Variants in DAP observed in about 807,000 individuals in gnomAD.
DAP encodes the protein death-associated protein 1.
DAP carries 8 observed loss-of-function variants against 13.8 expected under a neutral mutation model. The observed-to-expected ratio is 0.58, with a 90% CI of 0.34 to 1.05. The LOEUF (loss-of-function observed/expected upper bound fraction) is 1.05. Ranked by LOEUF, DAP falls within the 50% of genes least tolerant of loss-of-function variation. The pLI is 0.03. For synonymous variants in DAP, 47 were observed against 47.5 expected (o/e 0.99, Z 0.04); for missense variants, 106 against 133.2 (o/e 0.80, Z 1.01).
intron 2 of DAP, among the ~76,000 whole-genome samples, chr5:10,720,992 G>A (rs1214759194): frequency 6.6e-6 from 1 of 152,226 alleles, no homozygotes; most frequent in Non-Finnish European, 1.5e-5. Flanking sequence ...AAAGAAGTCT[G>A]ACACTGGGCT....
chr5:10,758,960 G>C, intron 1 of DAP, among the ~76,000 whole-genome samples: 1 of 152,228 alleles, frequency 6.6e-6, no homozygotes, highest in East Asian at 1.9e-4. Context: ...GCTGAGGTGG[G>C]TGGATCACCT....
chr5:10,708,976 A>C (rs1361911708), intron 2 of DAP, among the ~76,000 whole-genome samples: 2 of 152,240 alleles, frequency 1.3e-5, no homozygotes, highest in African/African-American at 4.8e-5. Flanking sequence ...AAGAATATTA[A>C]AATCAAAAGA....
chr5:10,717,593 G>A (rs540969617), intron 2 of DAP, among the ~76,000 whole-genome samples: 3 of 152,324 alleles, frequency 2.0e-5, no homozygotes, highest in South Asian at 4.2e-4. Flanking sequence ...TGCGCTGCCT[G>A]AGGGAACAGT....
At chr5:10,723,316 T>C (rs1739206169) in intron 2 of DAP, among the ~76,000 whole-genome samples, 1 of 152,230 alleles carries the variant, frequency 6.6e-6, no homozygotes, top group African/African-American at 2.4e-5. Flanking sequence ...GCCCTATATA[T>C]AGTCTATCCT....
rs114661309 is a variant in DAP, at chr5:10,758,075, T to C, written c.55+2939A>G. Among the ~76,000 whole-genome samples, 47 of 152,334 alleles carry C rather than the reference T, an allele frequency of 3.1e-4. 1 individual carries two copies. The highest frequency in any genetic ancestry group is 3.4e-3 in the Middle Eastern group (1 of 294). ...AATTTTATTATTTCTGATTGAGCAT[T>C]GAGGCACAAGTCTGTTATCCAATTT... On this transcript the variant is annotated intron_variant, in intron 1 of 3. Coordinates refer to ENST00000230895, the MANE Select transcript of DAP (RefSeq NM_004394.3).
chr5:10,739,953 A>AC (rs1248360685), intron 2 of DAP, among the ~76,000 whole-genome samples: 2 of 152,162 alleles, frequency 1.3e-5, no homozygotes, highest in Non-Finnish European at 2.9e-5. Flanking sequence ...AAATTAAAAG[A>AC]CCCTCGAAGA....
At chr5:10,729,800 C>T (rs1030425166) in intron 2 of DAP, among the ~76,000 whole-genome samples, 1 of 152,148 alleles carries the variant, frequency 6.6e-6, no homozygotes, top group African/African-American at 2.4e-5. Context: ...TTCATCCTTA[C>T]GGCGACCCCA....
At position 10,680,635 on chromosome 5, in the gene DAP, T is replaced by G; in HGVS notation, c.*421A>C. The G allele has an allele frequency of 8.8e-7, 1 of 1,141,676 alleles. No homozygotes were observed. Among genetic ancestry groups the G allele is most frequent in the Non-Finnish European group, 1.2e-6 (1 of 816,312 alleles). The allele number at this position is 1,141,676 out of a possible 1,614,324, so 70.7% of individuals were successfully genotyped here. A position where few individuals can be genotyped will look rare whatever the true frequency, so the allele number is the denominator to read the frequency against. ...CTTAGTTCTTACTCTCCCACAGGTG[T>G]TGAGATTTTATTGGCCCATACTAAA... On this transcript the variant is annotated 3_prime_UTR_variant, in exon 4 of 4. Coordinates refer to ENST00000230895, the MANE Select transcript of DAP (RefSeq NM_004394.3).
intron 2 of DAP, among the ~76,000 whole-genome samples, chr5:10,738,786 T>C (rs1739680146): frequency 1.3e-5 from 2 of 152,260 alleles, no homozygotes; most frequent in Non-Finnish European, 2.9e-5. Flanking sequence ...CTGATTTTGA[T>C]AATTATACAG....
chr5:10,721,356 G>A (rs762763478), intron 2 of DAP, among the ~76,000 whole-genome samples: 1 of 152,160 alleles, frequency 6.6e-6, no homozygotes, highest in Non-Finnish European at 1.5e-5. Context: ...AGGGAGGAAC[G>A]CGGCTACCAG....
chr5:10,758,966 C>T (rs1295964700), intron 1 of DAP, among the ~76,000 whole-genome samples: 1 of 152,202 alleles, frequency 6.6e-6, no homozygotes, highest in Non-Finnish European at 1.5e-5. Flanking sequence ...GTGGGTGGAT[C>T]ACCTGAAGTC....
chr5:10,733,669 C>A (rs1274879070), intron 2 of DAP: 1 of 152,106 alleles, frequency 6.6e-6, no homozygotes, highest in African/African-American at 2.4e-5. Flanking sequence ...AAACACCTGC[C>A]GAGAGAGAAG....
At chr5:10,760,475 TG>T (rs889880756) in intron 1 of DAP, among the ~76,000 whole-genome samples, 16 of 151,222 alleles carry the variant, frequency 1.1e-4, no homozygotes, top group East Asian at 3.9e-4. Flanking sequence ...AAAGCAACTT[TG>T]GGGGAAAAAA....
At chr5:10,730,228 A>G (rs755047876) in intron 2 of DAP, among the ~76,000 whole-genome samples, 1 of 152,242 alleles carries the variant, frequency 6.6e-6, no homozygotes, top group Non-Finnish European at 1.5e-5. Flanking sequence ...CACTGTGTAG[A>G]GTACCTGGCA....
chr5:10,759,223 T>A (rs1338425219), intron 1 of DAP, among the ~76,000 whole-genome samples: 1 of 152,206 alleles, frequency 6.6e-6, no homozygotes, highest in Non-Finnish European at 1.5e-5. Context: ...TGTGTCTCTG[T>A]ATGCAATTTA....
At chr5:10,706,527 T>C (rs1171148400) in intron 2 of DAP, among the ~76,000 whole-genome samples, 1 of 152,230 alleles carries the variant, frequency 6.6e-6, no homozygotes, top group East Asian at 1.9e-4. Context: ...ATGCCTTATA[T>C]GGCTTGGGCA....
At chr5:10,756,996 C>T (rs1190512362) in intron 1 of DAP, among the ~76,000 whole-genome samples, 2 of 152,240 alleles carry the variant, frequency 1.3e-5, no homozygotes, top group African/African-American at 2.4e-5. Context: ...ATTACTTCTA[C>T]AGAGGACTGC....
intron 2 of DAP, among the ~76,000 whole-genome samples, chr5:10,715,995 A>C (rs1202047777): frequency 6.6e-6 from 1 of 152,222 alleles, no homozygotes; most frequent in Non-Finnish European, 1.5e-5. Context: ...TGTGAGTATC[A>C]ACCCAGGGCT....
chr5:10,736,651 C>CA (rs1389368204), intron 2 of DAP, among the ~76,000 whole-genome samples: 1 of 152,226 alleles, frequency 6.6e-6, no homozygotes, highest in Non-Finnish European at 1.5e-5. Flanking sequence ...GACACTTCAG[C>CA]AATGCCCCAT....
Sources: gnomAD v4.1 joint callset for allele counts (sites outside exome capture counted in the v4.1 genomes callset) on GRCh38, gnomAD v4.1.1 for gene constraint, MANE v1.5 for transcripts, NCBI Gene and HGNC (gene_info 2026-07-23, HGNC 2026-07-21) for gene names.